The following CLOCK variants were observed in gnomAD, a reference collection of about 807,000 sequenced individuals.
CLOCK encodes circadian locomoter output cycles protein kaput.
A neutral mutation model predicts 118.4 loss-of-function variants in CLOCK; 43 were observed. That is an observed-to-expected ratio of 0.36 (90% CI 0.28 to 0.47). The LOEUF is 0.47. Ranked by LOEUF, CLOCK falls within the 20% of genes least tolerant of loss-of-function variation. The probability of loss-of-function intolerance (pLI) is 1.00; values close to 1 mark genes in which losing one functional copy is unlikely to be tolerated. For missense variants in CLOCK, 846 were observed against 999.9 expected, an observed-to-expected ratio of 0.85 and a Z score of 2.08; for synonymous variants, 326 against 339.2, an observed-to-expected ratio of 0.96 and a Z score of 0.43.
At chr4:55,448,647 C>CG in intron 18 of CLOCK, 132 bp downstream of exon 18, 1 of 559,348 alleles carries the variant, frequency 1.8e-6, no homozygotes, top group Non-Finnish European at 3.3e-6. Context: ...TGTGTGTGCT[C>CG]CTACCTCAGC....
At chr4:55,541,835 A>C (rs574596465) in intron 1 of CLOCK, among the ~76,000 whole-genome samples, 58 of 135,500 alleles carry the variant, frequency 4.3e-4, no homozygotes, top group African/African-American at 1.4e-3. Context: ...ATGCCTGCTA[A>C]AAGAACATAA....
chr4:55,518,418 T>C (rs1051975122), intron 1 of CLOCK, among the ~76,000 whole-genome samples: 2 of 152,208 alleles, frequency 1.3e-5, no homozygotes, highest in African/African-American at 2.4e-5. Context: ...CAAATATTTA[T>C]TGTTTTCCTC....
Position 55,510,714 on chromosome 4 carries a change from A to G in CLOCK, c.-289-649T>C, listed in dbSNP as rs542839253. Among the ~76,000 whole-genome samples, 26 of 152,056 alleles carry G rather than the reference A, an allele frequency of 1.7e-4. No homozygotes were observed. The East Asian group carries it at 4.3e-3, about 25-fold the overall frequency. ...GTGTATGATCTAGCCAAATAAAGCAAGAGGGAAGAGGTGAGAAAGAAAATT... is the reference window on the plus strand; with the variant it reads ...GTGTATGATCTAGCCAAATAAAGCAGGAGGGAAGAGGTGAGAAAGAAAATT... On this transcript the variant is annotated intron_variant, in intron 1 of 22. Transcript: ENST00000513440.
At chr4:55,461,521 T>C (rs1725344470) in intron 9 of CLOCK, among the ~76,000 whole-genome samples, 1 of 152,220 alleles carries the variant, frequency 6.6e-6, no homozygotes, top group Admixed American at 6.5e-5. Context: ...CAGAATGGTC[T>C]GATCCATAAG....
chr4:55,522,788 TACAC>T (rs1004722001), intron 1 of CLOCK, among the ~76,000 whole-genome samples: 1 of 152,154 alleles, frequency 6.6e-6, no homozygotes, highest in Non-Finnish European at 1.5e-5. Context: ...CATGCACATG[TACAC>T]ACACAAATAC....
At chr4:55,500,985 G>A (rs1577806550) in intron 2 of CLOCK, among the ~76,000 whole-genome samples, 2 of 152,006 alleles carry the variant, frequency 1.3e-5, no homozygotes. Context: ...CTCAGCAGCC[G>A]AGACTACAGG....
chr4:55,522,974 A>C (rs1215636842), intron 1 of CLOCK, among the ~76,000 whole-genome samples: 1 of 152,152 alleles, frequency 6.6e-6, no homozygotes, highest in African/African-American at 2.4e-5. Flanking sequence ...GAGGCACAGT[A>C]ACATATAATG....
intron 1 of CLOCK, among the ~76,000 whole-genome samples, chr4:55,513,078 A>C (rs1729265482): frequency 6.6e-6 from 1 of 152,114 alleles, no homozygotes; most frequent in Non-Finnish European, 1.5e-5. Flanking sequence ...GTGTACCCTA[A>C]TGTCCTAAGC....
Position 55,519,335 on chromosome 4 carries a change from G to A in CLOCK, c.-289-9270C>T, listed in dbSNP as rs1729711461. Among the ~76,000 whole-genome samples, 4 of 152,170 alleles carry A rather than the reference G, an allele frequency of 2.6e-5. No homozygotes were observed. In the South Asian group the frequency reaches 8.3e-4, roughly 32 times the overall value. ...GCTTCCCACAGCACTGGGATTGTAG[G>A]TGCAAGCCACTGAGCCTGCAGTCCT... On this transcript the variant is annotated intron_variant, in intron 1 of 22. Coordinates refer to ENST00000513440, the MANE Select transcript of CLOCK (RefSeq NM_004898.4).
At position 55,448,825 on chromosome 4, in the gene CLOCK, A is replaced by G; in HGVS notation, c.1493T>C (p.Val498Ala). ...QSVGSSLTQP[V>A]MSQATNLPIP... The stretch of plus-strand genomic sequence containing the variant: ...TGGTAAATTTGTAGCTTGAGACATC[A>G]CTGGCTGTGTTAATGATGAACCAAC... Residue 498 changes from valine (V) to alanine (A), a missense_variant, in exon 18 of 23, where the codon GTG (valine) becomes GCG (alanine). Around this residue, in one of 4 missense-constraint regions of CLOCK, gnomAD observed 520 missense variants for 558.0 expected, o/e 0.93. Coordinates refer to ENST00000513440, the MANE Select transcript of CLOCK (RefSeq NM_004898.4). The G allele has an allele frequency of 6.2e-7, 1 of 1,614,018 alleles. No individual in the cohort carries two copies. The highest frequency in any genetic ancestry group is 8.5e-7 in the Non-Finnish European group (1 of 1,179,958).
chr4:55,448,933 A>C (rs1724182980), intron 17 of CLOCK, 65 bp from the exon 18 acceptor site: 1 of 1,203,996 alleles, frequency 8.3e-7, no homozygotes, highest in African/African-American at 1.5e-5. Context: ...CTTCCAGCAG[A>C]AATATCAATA....
At chr4:55,451,113 G>A (rs528598613) in intron 15 of CLOCK, among the ~76,000 whole-genome samples, 4 of 150,086 alleles carry the variant, frequency 2.7e-5, no homozygotes, top group Admixed American at 2.7e-4. Context: ...TCTTCTCTTT[G>A]TAGCAAAACC....
At position 55,442,079 on chromosome 4, in the gene CLOCK, C is replaced by A. The variant is rs542613301; in HGVS notation, c.2105+353G>T. On this transcript the variant is annotated intron_variant, in intron 21 of 22. Coordinates refer to ENST00000513440, the MANE Select transcript of CLOCK (RefSeq NM_004898.4). ...AACAAACTTAAAAAAGGTAAGCTACCCTAACCACTGTTACTACATGGAAAT... is the reference window on the plus strand; with the variant it reads ...AACAAACTTAAAAAAGGTAAGCTACACTAACCACTGTTACTACATGGAAAT... Among the ~76,000 whole-genome samples the A allele has an allele frequency of 9.0e-4, 137 of 152,024 alleles. 5 individuals carry two copies. In the South Asian group the frequency reaches 0.028, roughly 31 times the overall value.
At chr4:55,438,787 G>C (rs1723106175) in intron 21 of CLOCK, among the ~76,000 whole-genome samples, 1 of 152,100 alleles carries the variant, frequency 6.6e-6, no homozygotes, top group Non-Finnish European at 1.5e-5. Context: ...ACATTCAAAA[G>C]AATAAAGTTA....
chr4:55,530,648 G>A (rs62309728), intron 1 of CLOCK, among the ~76,000 whole-genome samples: 24,627 of 151,330 alleles, frequency 0.16, 2,511 homozygotes, highest in Non-Finnish European at 0.21. Flanking sequence ...GGTGGCAAAC[G>A]CCTGTAATCC....
At chr4:55,493,898 G>C (rs866622627) in intron 2 of CLOCK, among the ~76,000 whole-genome samples, 1 of 152,176 alleles carries the variant, frequency 6.6e-6, no homozygotes, top group South Asian at 2.1e-4. Context: ...CTAGCCTGCT[G>C]AATGTCAAGA....
At chr4:55,442,271 C>A in intron 21 of CLOCK, 161 bp downstream of exon 21, 1 of 681,546 alleles carries the variant, frequency 1.5e-6, no homozygotes, top group Non-Finnish European at 2.5e-6. Context: ...AGTCTTTAAA[C>A]AATGAATACA....
rs200583019 is a variant in CLOCK, at chr4:55,453,083, C to G, written c.1177G>C (p.Glu393Gln). Residue 393 changes from glutamate (E) to glutamine (Q), a missense_variant, in exon 15 of 23, where the codon GAG (glutamate) becomes CAG (glutamine). Physicochemically the swap from Glu to Gln is conservative, Grantham distance 29. This residue lies in a region of CLOCK where 520 missense variants were observed against 558.0 expected (regional missense o/e 0.93). Coordinates refer to ENST00000513440, the MANE Select transcript of CLOCK (RefSeq NM_004898.4). ...AERRRELGIEESLPETAADKS... is the reference protein window; with the variant it reads ...AERRRELGIEQSLPETAADKS... ...TCAGCAGCTGTCTCAGGAAGAGACT[C>G]TTCAATGCCAAGTTCTCGTCGTCTT... is the stretch of plus-strand genomic sequence containing the variant. 3.4e-5 allele frequency: 55 copies of G among 1,612,434 alleles called. No homozygotes were observed. Among genetic ancestry groups the G allele is most frequent in the Non-Finnish European group, 4.4e-5 (52 of 1,178,906 alleles).
intron 2 of CLOCK, among the ~76,000 whole-genome samples, chr4:55,492,128 T>A (rs1194835151): frequency 6.6e-6 from 1 of 152,138 alleles, no homozygotes; most frequent in African/African-American, 2.4e-5. Context: ...TGCATATTGA[T>A]GAAAAATTCT....
Sources: gnomAD v4.1 joint callset for allele counts (sites outside exome capture counted in the v4.1 genomes callset) on GRCh38, gnomAD v4.1.1 for gene constraint, gnomAD v4.1.1 regional missense constraint, MANE v1.5 for transcripts, NCBI Gene and HGNC (gene_info 2026-07-23, HGNC 2026-07-21) for gene names.